Variants in ATF7 observed in about 807,000 individuals in gnomAD.
The protein encoded by ATF7 is cyclic AMP-dependent transcription factor ATF-7.
ATF7 carries 10 observed loss-of-function variants against 50.4 expected under a neutral mutation model. The ratio of observed to expected loss-of-function variants is 0.20; its 90% CI spans 0.12 to 0.34. ATF7 has a LOEUF of 0.34. Among genes scored for constraint, ATF7 ranks in the 10% least tolerant of loss-of-function variants. The pLI is 1.00. For synonymous variants in ATF7, 201 were observed against 226.4 expected, an observed-to-expected ratio of 0.89 and a Z score of 1.01; for missense variants, 465 against 613.9, an observed-to-expected ratio of 0.76 and a Z score of 2.56.
chr12:53,570,349 G>T (rs1247955), intron 2 of ATF7, among the ~76,000 whole-genome samples: 56,748 of 151,990 alleles, frequency 0.37, 13,317 homozygotes, highest in Non-Finnish European at 0.52. Context: ...CCTAGGGGAA[G>T]AGAGGAGAGA....
chr12:53,544,135 C>T (rs1274048976), intron 3 of ATF7, among the ~76,000 whole-genome samples: 1 of 152,182 alleles, frequency 6.6e-6, no homozygotes, highest in East Asian at 1.9e-4. Flanking sequence ...CCAGGGTATT[C>T]GGATTTAGAT....
chr12:53,534,796 G>T, intron 5 of ATF7, 137 bp from the exon 6 acceptor site: 2 of 1,007,406 alleles, frequency 2.0e-6, no homozygotes, highest in South Asian at 1.6e-5. Context: ...GATTCCATCA[G>T]GATCAGGGAC....
At position 53,541,845 on chromosome 12, in the gene ATF7, A is replaced by G. The variant is rs983520579; in HGVS notation, c.264+1485T>C. On this transcript the variant is annotated intron_variant, in intron 4 of 11. Transcript: ENST00000420353. Reference sequence around the variant, plus strand: ...TCAATTTCTTTCTTGTTTTTGAGACAAAGTCTCACTCTGTCGCCCAGGCTG... The same window carrying G: ...TCAATTTCTTTCTTGTTTTTGAGACGAAGTCTCACTCTGTCGCCCAGGCTG... Among the ~76,000 whole-genome samples the G allele has an allele frequency of 2.6e-5, 4 of 152,176 alleles. No individual in the cohort carries two copies. In the Middle Eastern group the frequency reaches 0.014, roughly 518 times the overall value.
chr12:53,544,472 C>T (rs1006189053), intron 3 of ATF7, among the ~76,000 whole-genome samples: 1 of 152,076 alleles, frequency 6.6e-6, no homozygotes, highest in Admixed American at 6.6e-5. Flanking sequence ...CTTGGCTGGG[C>T]GCAGTGGCTC....
intron 2 of ATF7, among the ~76,000 whole-genome samples, chr12:53,593,035 T>G (rs940127279): frequency 1.3e-5 from 2 of 152,102 alleles, no homozygotes; most frequent in Non-Finnish European, 2.9e-5. Flanking sequence ...TTATAAAGAC[T>G]CTATTAGGAT....
intron 3 of ATF7, among the ~76,000 whole-genome samples, chr12:53,550,308 A>C (rs1940254328): frequency 1.3e-5 from 2 of 148,580 alleles, no homozygotes; most frequent in African/African-American, 4.9e-5. Flanking sequence ...TGGGCAACAG[A>C]GTGAGACCCT....
chr12:53,615,111 C>A (rs1356571333), intron 1 of ATF7, among the ~76,000 whole-genome samples: 1 of 150,948 alleles, frequency 6.6e-6, no homozygotes, highest in Non-Finnish European at 1.5e-5. Flanking sequence ...GAGCTGGGTG[C>A]GGTGGCTCAC....
intron 1 of ATF7, among the ~76,000 whole-genome samples, chr12:53,619,240 A>G (rs1944274760): frequency 6.6e-6 from 1 of 152,110 alleles, no homozygotes; most frequent in Non-Finnish European, 1.5e-5. Flanking sequence ...CTGTAAGCCC[A>G]GCACTTTGGG....
chr12:53,594,349 T>C (rs1943066064), intron 2 of ATF7, among the ~76,000 whole-genome samples: 2 of 152,186 alleles, frequency 1.3e-5, no homozygotes, highest in African/African-American at 2.4e-5. Context: ...AACTGAAAAA[T>C]GTCACCTTAA....
intron 9 of ATF7, among the ~76,000 whole-genome samples, chr12:53,527,312 C>T (rs1364110032): frequency 6.7e-6 from 1 of 149,474 alleles, no homozygotes; most frequent in African/African-American, 2.5e-5. Flanking sequence ...TAGTGAGATC[C>T]GTTTCTACAA....
At chr12:53,560,291 G>T (rs1671444538) in intron 2 of ATF7, among the ~76,000 whole-genome samples, 1 of 151,186 alleles carries the variant, frequency 6.6e-6, no homozygotes, top group African/African-American at 2.4e-5. Flanking sequence ...TTTTTTTGCA[G>T]GATAATTCTA....
At chr12:53,545,579 G>T (rs905500755) in intron 3 of ATF7, among the ~76,000 whole-genome samples, 2 of 151,988 alleles carry the variant, frequency 1.3e-5, no homozygotes, top group African/African-American at 4.8e-5. Flanking sequence ...CAGGTGATCT[G>T]CTCTCCTCGG....
At chr12:53,587,845 T>TATATATATA (rs201911747) in intron 2 of ATF7, among the ~76,000 whole-genome samples, 168 of 31,584 alleles carry the variant, frequency 5.3e-3, no homozygotes, top group Non-Finnish European at 9.6e-3. Context: ...ATATATATAT[T>TATATATATA]TTTTTTTTTT....
chr12:53,609,531 G>A (rs951082186), intron 1 of ATF7, among the ~76,000 whole-genome samples: 6 of 151,376 alleles, frequency 4.0e-5, no homozygotes, highest in Admixed American at 1.3e-4. Flanking sequence ...CCAGCTACTC[G>A]GGAGCTCGGG....
downstream of ATF7, among the ~76,000 whole-genome samples, chr12:53,509,503 CTTT>C (rs1337552672): frequency 6.7e-5 from 9 of 135,028 alleles, no homozygotes; most frequent in Admixed American, 7.5e-5. Flanking sequence ...TACACTCCAG[CTTT>C]TTTTTTTTTT....
At chr12:53,563,446 C>T (rs916671118) in intron 2 of ATF7, among the ~76,000 whole-genome samples, 1 of 139,732 alleles carries the variant, frequency 7.2e-6, no homozygotes, top group African/African-American at 2.7e-5. Flanking sequence ...TGAAACCCCA[C>T]CTCTACCGAA....
rs1419820889 is a variant in ATF7 at position 53,524,605 on chromosome 12, T to G, written c.1084A>C (p.Lys362Gln). 1 of 1,613,988 alleles carries G rather than the reference T, an allele frequency of 6.2e-7. No individual in the cohort carries two copies. Among genetic ancestry groups the G allele is most frequent in the African/African-American group, 1.3e-5 (1 of 75,058 alleles). The change falls in exon 10 of 12, where the codon AAG (lysine) becomes CAG (glutamine). Residue 362 changes from lysine (K) to glutamine (Q), a missense_variant. Transcript: ENST00000420353. This position sits in a 1 kb window ranked among gnomAD's most constrained non-coding sequence, Gnocchi z 4.6. Reference sequence around the variant, plus strand: ...TGAGAAGTGAGTTCTTCGGCCTTCTTCTCTAGGGAGGACACCCACAGCTTT... The same window carrying G: ...TGAGAAGTGAGTTCTTCGGCCTTCTGCTCTAGGGAGGACACCCACAGCTTT... ...KRKLWVSSLEKKAEELTSQNI... is the reference protein window; with the variant it reads ...KRKLWVSSLEQKAEELTSQNI...
chr12:53,611,598 C>G (rs1165439112), intron 1 of ATF7, among the ~76,000 whole-genome samples: 1 of 151,982 alleles, frequency 6.6e-6, no homozygotes, highest in Non-Finnish European at 1.5e-5. Flanking sequence ...TTTTTCTTTT[C>G]TTTTCTTTTT....
At chr12:53,614,684 G>A (rs1944040253) in intron 1 of ATF7, among the ~76,000 whole-genome samples, 2 of 152,214 alleles carry the variant, frequency 1.3e-5, no homozygotes, top group South Asian at 4.1e-4. Flanking sequence ...GATCTATTTG[G>A]GGTTATTCCA....
Sources: gnomAD v4.1 joint callset for allele counts (sites outside exome capture counted in the v4.1 genomes callset) on GRCh38, gnomAD v4.1.1 for gene constraint, Gnocchi (gnomAD v3.1) non-coding constraint, MANE v1.5 for transcripts, NCBI Gene and HGNC (gene_info 2026-07-23, HGNC 2026-07-21) for gene names.